The following CGNL1 variants were observed in gnomAD, a reference collection of about 807,000 sequenced individuals.
The protein encoded by CGNL1 is cingulin-like protein 1.
A neutral mutation model predicts 141.2 loss-of-function variants in CGNL1; 132 were observed. The ratio of observed to expected loss-of-function variants is 0.93; its 90% CI spans 0.81 to 1.08. The LOEUF is 1.08. CGNL1 is among the 50% of genes least tolerant of loss of function. The pLI is 0.00. For missense variants in CGNL1, 1,870 were observed against 1,588.6 expected (o/e 1.18, Z -3.01); for synonymous variants, 690 against 622.1 (o/e 1.11, Z -1.63).
At chr15:57,452,449 C>A (rs1291870248) in intron 6 of CGNL1, among the ~76,000 whole-genome samples, 160 bp downstream of exon 6, 1 of 152,140 alleles carries the variant, frequency 6.6e-6, no homozygotes, top group Non-Finnish European at 1.5e-5. Context: ...ATGAAGCTGG[C>A]GACACATGTA....
At chr15:57,525,669 C>T (rs1157274404) in intron 12 of CGNL1, among the ~76,000 whole-genome samples, 3 of 151,918 alleles carry the variant, frequency 2.0e-5, no homozygotes, top group Non-Finnish European at 4.4e-5. Context: ...ACATTTTTTT[C>T]TTTAAAAAAC....
intron 8 of CGNL1, among the ~76,000 whole-genome samples, chr15:57,489,831 ATAC>A (rs1253947198): frequency 1.3e-5 from 2 of 152,230 alleles, no homozygotes; most frequent in South Asian, 2.1e-4. Flanking sequence ...AGTGACTGAG[ATAC>A]TACTAACTAT....
chr15:57,527,705 A>G (rs2031699687), intron 12 of CGNL1: 1 of 152,224 alleles, frequency 6.6e-6, no homozygotes, highest in Non-Finnish European at 1.5e-5. Flanking sequence ...GGATGGAAAA[A>G]ACAACAACAT....
intron 8 of CGNL1, among the ~76,000 whole-genome samples, chr15:57,484,090 AT>A (rs2063759044): frequency 6.6e-6 from 1 of 151,828 alleles, no homozygotes; most frequent in Admixed American, 6.6e-5. Context: ...TACTATTTGG[AT>A]TTTGATATTG....
At chr15:57,511,544 T>C (rs1321481860) in intron 8 of CGNL1, among the ~76,000 whole-genome samples, 1 of 152,222 alleles carries the variant, frequency 6.6e-6, no homozygotes, top group East Asian at 1.9e-4. Flanking sequence ...TACTACCAAA[T>C]TGCCATCCAG....
intron 14 of CGNL1, among the ~76,000 whole-genome samples, chr15:57,542,804 G>C (rs1268236073): frequency 6.6e-6 from 1 of 152,212 alleles, no homozygotes; most frequent in Non-Finnish European, 1.5e-5. Flanking sequence ...ACCTGGGACT[G>C]TCCCAGTTCA....
chr15:57,485,809 C>T (rs1002254875), intron 8 of CGNL1, among the ~76,000 whole-genome samples: 10 of 152,196 alleles, frequency 6.6e-5, no homozygotes, highest in Non-Finnish European at 1.0e-4. Flanking sequence ...TTCAGATAGA[C>T]GTACATAGAA....
At chr15:57,408,379 A>G (rs1312450022) in intron 1 of CGNL1, among the ~76,000 whole-genome samples, 2 of 152,086 alleles carry the variant, frequency 1.3e-5, no homozygotes, top group Non-Finnish European at 2.9e-5. Context: ...CTCAGAGACA[A>G]ATCTTTCCAC....
intron 1 of CGNL1, among the ~76,000 whole-genome samples, chr15:57,381,299 C>T (rs532502273): frequency 6.6e-6 from 1 of 152,234 alleles, no homozygotes; most frequent in African/African-American, 2.4e-5. Flanking sequence ...AGTTCTCATG[C>T]CTGTAATCCC....
rs185695581 is a variant in CGNL1 at position 57,483,856 on chromosome 15, C to A, written c.2403+21964C>A. Among the ~76,000 whole-genome samples the A allele has an allele frequency of 1.3e-3, 195 of 152,230 alleles. 1 individual carries two copies. The highest frequency in any genetic ancestry group is 4.5e-3 in the African/African-American group (189 of 41,548). ...AATGGATTTTGAGTTTTGTTAAATG[C>A]TTTCTCTGCATTTATTGATATGATC... On this transcript the variant is annotated intron_variant, in intron 8 of 18. Transcript: ENST00000281282.
At chr15:57,509,378 G>A (rs35132014) in intron 8 of CGNL1, among the ~76,000 whole-genome samples, 2 of 152,230 alleles carry the variant, frequency 1.3e-5, no homozygotes, top group African/African-American at 4.8e-5. Context: ...TGTGGCAGAG[G>A]CCGTGTTAAT....
At position 57,518,488 on chromosome 15, in the gene CGNL1, G is replaced by A; in HGVS notation, c.2706G>A (p.Glu902=). ...SARRALENEL[E]AAQGNLSQTT... Reference sequence around the variant, plus strand: ...GAAGGGCCCTGGAGAATGAACTGGAGGCTGCTCAGGTAAACACCAAGGGCT... The same window carrying A: ...GAAGGGCCCTGGAGAATGAACTGGAAGCTGCTCAGGTAAACACCAAGGGCT... Residue 902 remains glutamate, a synonymous_variant, in exon 10 of 19, where the codon GAG becomes GAA. Transcript: ENST00000281282. 1 of 1,608,240 alleles carries A rather than the reference G, an allele frequency of 6.2e-7. No individual in the cohort carries two copies.
chr15:57,494,108 T>C (rs2063903728), intron 8 of CGNL1, among the ~76,000 whole-genome samples: 1 of 152,168 alleles, frequency 6.6e-6, no homozygotes, highest in Non-Finnish European at 1.5e-5. Context: ...AAAAAATAAA[T>C]CTGCAAAGCA....
chr15:57,491,820 T>C (rs1484792423), intron 8 of CGNL1, among the ~76,000 whole-genome samples: 4 of 152,110 alleles, frequency 2.6e-5, no homozygotes, highest in African/African-American at 9.7e-5. Context: ...AATATGTTCA[T>C]CCCAAGAAAG....
At chr15:57,538,038 G>C (rs1383506711) in intron 14 of CGNL1, among the ~76,000 whole-genome samples, 2 of 152,248 alleles carry the variant, frequency 1.3e-5, no homozygotes, top group Non-Finnish European at 2.9e-5. Context: ...GCAGGTGCCA[G>C]TGTGGGCTCA....
intron 8 of CGNL1, among the ~76,000 whole-genome samples, chr15:57,475,434 G>A (rs1262565572): frequency 1.3e-5 from 2 of 151,748 alleles, no homozygotes; most frequent in Non-Finnish European, 2.9e-5. Flanking sequence ...AGACATATCT[G>A]ACCCAAAATG....
intron 8 of CGNL1, among the ~76,000 whole-genome samples, chr15:57,462,820 G>T (rs764196270): frequency 6.6e-6 from 1 of 152,152 alleles, no homozygotes; most frequent in African/African-American, 2.4e-5. Context: ...ACTGTTTGGG[G>T]TTATTACAAC....
intron 8 of CGNL1, among the ~76,000 whole-genome samples, chr15:57,494,856 C>T (rs2063914950): frequency 6.6e-6 from 1 of 152,184 alleles, no homozygotes; most frequent in Non-Finnish European, 1.5e-5. Flanking sequence ...GTTTGCCATC[C>T]CTCTAAATGT....
chr15:57,464,222 G>C (rs570077317), intron 8 of CGNL1, among the ~76,000 whole-genome samples: 5 of 152,230 alleles, frequency 3.3e-5, no homozygotes, highest in African/African-American at 1.2e-4. Flanking sequence ...CATGTCCTTT[G>C]CTGGAGCGGT....
Sources: allele counts gnomAD v4.1 joint callset (sites outside exome capture counted in the v4.1 genomes callset), GRCh38; gene constraint gnomAD v4.1.1; transcripts MANE v1.5; gene names NCBI Gene and HGNC (gene_info 2026-07-23, HGNC 2026-07-21).